The following VAV1 variants were observed in gnomAD, a reference collection of about 807,000 sequenced individuals.
VAV1 encodes vav guanine nucleotide exchange factor 1, also known as proto-oncogene vav.
A neutral mutation model predicts 128.1 loss-of-function variants in VAV1; 33 were observed. That is an observed-to-expected ratio of 0.26 (90% CI 0.20 to 0.34). VAV1 has a LOEUF of 0.34. Among genes scored for constraint, VAV1 ranks in the 10% least tolerant of loss-of-function variants. The probability of loss-of-function intolerance (pLI) is 1.00; values close to 1 mark genes in which losing one functional copy is unlikely to be tolerated. For synonymous variants in VAV1, 394 were observed against 409.8 expected, an observed-to-expected ratio of 0.96 and a Z score of 0.47; for missense variants, 715 against 1,093.7, an observed-to-expected ratio of 0.65 and a Z score of 4.88.
intron 14 of VAV1, among the ~76,000 whole-genome samples, chr19:6,830,634 T>A (rs1250982917): frequency 6.6e-6 from 1 of 151,812 alleles, no homozygotes; most frequent in African/African-American, 2.4e-5. Context: ...GAGACGAGGT[T>A]TCACCATGTT....
chr19:6,835,460 C>T (rs1972197597), intron 19 of VAV1, among the ~76,000 whole-genome samples: 1 of 152,120 alleles, frequency 6.6e-6, no homozygotes, highest in Admixed American at 6.6e-5. Flanking sequence ...TTGAAGTTCT[C>T]AATAATGGCC....
At chr19:6,810,584 A>G (rs1971493217) in intron 1 of VAV1, among the ~76,000 whole-genome samples, 1 of 152,096 alleles carries the variant, frequency 6.6e-6, no homozygotes, top group Admixed American at 6.5e-5. Context: ...GGGCGCCTGT[A>G]ATCGCAGCTA....
At chr19:6,833,658 T>C (rs775538779) in intron 17 of VAV1, 33 bp downstream of exon 17, 1 of 1,613,938 alleles carries the variant, frequency 6.2e-7, no homozygotes, top group African/African-American at 1.3e-5. Flanking sequence ...GAGGTGAGCT[T>C]GGTTCTCTTT....
chr19:6,827,763 A>AT (rs11390834), intron 9 of VAV1, among the ~76,000 whole-genome samples: 86,643 of 145,398 alleles, frequency 0.6, 27,996 homozygotes, highest in African/African-American at 0.87. Context: ...CACGCCAGCT[A>AT]TTTTTTTTTT....
chr19:6,804,098 A>G lies in VAV1; in HGVS notation c.205-16604A>G, dbSNP rs953277859. 5.9e-5 allele frequency among the ~76,000 whole-genome samples: 9 copies of G among 152,134 alleles called. No individual in the cohort carries two copies. The South Asian group carries it at 1.9e-3, about 31-fold the overall frequency. Reference sequence around the variant, plus strand: ...GAAAGGGGGTATGGATAGGCAGAGCATGGAAGCTTTCCACGGCAGTGAAAA... The same window carrying G: ...GAAAGGGGGTATGGATAGGCAGAGCGTGGAAGCTTTCCACGGCAGTGAAAA... On this transcript the variant is annotated intron_variant, in intron 1 of 26. Coordinates refer to ENST00000602142, the MANE Select transcript of VAV1 (RefSeq NM_005428.4).
intron 21 of VAV1, among the ~76,000 whole-genome samples, chr19:6,838,058 A>G (rs3105702): frequency 0.15 from 23,405 of 151,872 alleles, 5,705 homozygotes; most frequent in African/African-American, 0.52. Flanking sequence ...CTGCTGCAAG[A>G]AAGAGCTGTC....
At chr19:6,791,045 A>G (rs886627410) in intron 1 of VAV1, among the ~76,000 whole-genome samples, 1 of 152,134 alleles carries the variant, frequency 6.6e-6, no homozygotes, top group Non-Finnish European at 1.5e-5. Flanking sequence ...TTGTGACTCC[A>G]TCTTTACATG....
intron 26 of VAV1, among the ~76,000 whole-genome samples, chr19:6,856,418 A>G (rs75025447): frequency 2.8e-4 from 43 of 152,148 alleles, no homozygotes; most frequent in African/African-American, 9.6e-4. Flanking sequence ...GTGCTATAGA[A>G]AAAGATAAAG....
At chr19:6,784,262 A>G (rs901326701) in intron 1 of VAV1, 2 of 632,418 alleles carry the variant, frequency 3.2e-6, no homozygotes, top group African/African-American at 1.8e-5. Flanking sequence ...GTCTCTAAAT[A>G]TATCTATGCA....
In VAV1 at chr19:6,833,972, C is replaced by T. The variant is rs200072158; in HGVS notation, c.1777+19C>T. 9,534 of 1,613,928 alleles carry T rather than the reference C, an allele frequency of 5.9e-3. 44 individuals are homozygous for T. The highest frequency in any genetic ancestry group is 7.4e-3 in the Non-Finnish European group (8,788 of 1,179,968). ...GAGCTGGGTGAGTTGGCAGGGGTTG[C>T]TGTGTGGGGGCAGGAGGAAAATTCA... On this transcript the variant is annotated intron_variant, in intron 19 of 26. Transcript: ENST00000602142.
intron 19 of VAV1, chr19:6,836,206 G>A (rs1169595041): frequency 2.0e-6 from 1 of 502,196 alleles, no homozygotes; most frequent in African/African-American, 2.0e-5. Context: ...TTGGGTTGCT[G>A]GGTTACAGAG....
chr19:6,831,422 C>A (rs1016085933), intron 14 of VAV1, among the ~76,000 whole-genome samples: 5 of 152,130 alleles, frequency 3.3e-5, no homozygotes, highest in African/African-American at 9.7e-5. Flanking sequence ...AGAGATTCTC[C>A]TACCTCAGCC....
chr19:6,785,682 T>C (rs138679485), intron 1 of VAV1, among the ~76,000 whole-genome samples: 6,530 of 127,468 alleles, frequency 0.051, 243 homozygotes, highest in African/African-American at 0.12. Flanking sequence ...TTTTTTGAGA[T>C]AGAGTCTTGC....
chr19:6,853,298 C>T (rs1018168986), intron 25 of VAV1, among the ~76,000 whole-genome samples: 2 of 151,342 alleles, frequency 1.3e-5, no homozygotes, highest in African/African-American at 4.9e-5. Flanking sequence ...CAGAGTCTCA[C>T]TCTGTTGCCT....
rs754519854 is a variant in VAV1, at chr19:6,825,129, G to A, written c.723+8G>A. The A allele has an allele frequency of 2.9e-5, 47 of 1,610,670 alleles. No homozygotes were observed. Among genetic ancestry groups the A allele is most frequent in the Non-Finnish European group, 3.6e-5 (43 of 1,179,046 alleles). ...ATCTTTATCAACATTGAGGTGAGCC[G>A]GCCGATCCCCAGCCCTCTTGGGTCT... On this transcript the variant is annotated splice_region_variant and intron_variant, in intron 7 of 26. Coordinates refer to ENST00000602142, the MANE Select transcript of VAV1 (RefSeq NM_005428.4).
At chr19:6,796,757 T>C (rs116237012) in intron 1 of VAV1, among the ~76,000 whole-genome samples, 11 of 152,308 alleles carry the variant, frequency 7.2e-5, no homozygotes, top group African/African-American at 2.4e-4. Flanking sequence ...CTTTTCCTAC[T>C]TATTTTTTTC....
At chr19:6,823,150 G>A (rs1032882640) in intron 6 of VAV1, among the ~76,000 whole-genome samples, 8 of 145,100 alleles carry the variant, frequency 5.5e-5, no homozygotes, top group East Asian at 3.9e-4. Context: ...TTTGAGACAC[G>A]GTTTCTCTCT....
At chr19:6,806,669 C>A (rs769440187) in intron 1 of VAV1, among the ~76,000 whole-genome samples, 6 of 152,156 alleles carry the variant, frequency 3.9e-5, no homozygotes, top group Admixed American at 2.6e-4. Flanking sequence ...CCGGGATTTG[C>A]ACTCTCTCAT....
In VAV1 at chr19:6,822,389, C is replaced by G. The variant is rs778776855; in HGVS notation, c.559-30C>G. Reference sequence around the variant, plus strand: ...GTGGGCGGGGGGCAGCCCCAGGCCCCCCAACACCGGCCTCTCCCCTCGCTC... The same window carrying G: ...GTGGGCGGGGGGCAGCCCCAGGCCCGCCAACACCGGCCTCTCCCCTCGCTC... On this transcript the variant is annotated intron_variant, in intron 5 of 26. Transcript: ENST00000602142. The surrounding 1 kb of genome is among the most constrained non-coding windows in gnomAD (Gnocchi z 5.9). 35 of 1,553,586 alleles carry G rather than the reference C, an allele frequency of 2.3e-5. 1 individual carries two copies. The South Asian group carries it at 3.9e-4, about 17-fold the overall frequency.
Sources: gnomAD v4.1 joint callset for allele counts (sites outside exome capture counted in the v4.1 genomes callset) on GRCh38, gnomAD v4.1.1 for gene constraint, Gnocchi (gnomAD v3.1) non-coding constraint, MANE v1.5 for transcripts, NCBI Gene and HGNC (gene_info 2026-07-23, HGNC 2026-07-21) for gene names.